The following TTC28 variants were observed in gnomAD, a reference collection of about 807,000 sequenced individuals.
The protein encoded by TTC28 is tetratricopeptide repeat protein 28.
A neutral mutation model predicts 198.0 loss-of-function variants in TTC28; 61 were observed. The observed-to-expected ratio is 0.31, with a 90% confidence interval of 0.25 to 0.38. The LOEUF is 0.38. TTC28 is among the 10% of genes least tolerant of loss of function. The pLI, the probability that TTC28 is intolerant of heterozygous loss-of-function variation, is 1.00. For missense variants in TTC28, 2,678 were observed against 3,164.0 expected, an observed-to-expected ratio of 0.85 and a Z score of 3.69; for synonymous variants, 1,171 against 1,297.8, an observed-to-expected ratio of 0.90 and a Z score of 2.10.
Position 28,516,391 on chromosome 22 carries a change from G to A in TTC28, c.381+113161C>T, listed in dbSNP as rs536994050. ...AATTCAATTGTAAAATAGGTGCCAC[G>A]CTTTAGGATAATATAATGGTTTTCA... On this transcript the variant is annotated intron_variant, in intron 2 of 22. Transcript: ENST00000397906. Among the ~76,000 whole-genome samples, 43 of 152,130 alleles carry A rather than the reference G, an allele frequency of 2.8e-4. No individual in the cohort carries two copies. In the South Asian group the frequency reaches 7.3e-3, roughly 26 times the overall value.
intron 6 of TTC28, among the ~76,000 whole-genome samples, chr22:28,160,483 A>T (rs2147045976): frequency 6.6e-6 from 1 of 152,378 alleles, no homozygotes; most frequent in African/African-American, 2.4e-5. Flanking sequence ...GAAAGGAGCC[A>T]TTAAAATAAT....
At chr22:28,144,770 G>T (rs1041774873) in intron 6 of TTC28, among the ~76,000 whole-genome samples, 4 of 152,230 alleles carry the variant, frequency 2.6e-5, no homozygotes, top group South Asian at 2.1e-4. Flanking sequence ...AGCCTCTTTG[G>T]AGGCTTACAA....
At chr22:28,166,445 G>A (rs574525758) in intron 5 of TTC28, among the ~76,000 whole-genome samples, 13 of 152,296 alleles carry the variant, frequency 8.5e-5, no homozygotes, top group Middle Eastern at 3.4e-3. Flanking sequence ...CTCAGCAAAT[G>A]TAAAAGAACA....
chr22:28,535,982 G>A lies in TTC28; in HGVS notation c.381+93570C>T, dbSNP rs570596529. 1.2e-3 allele frequency among the ~76,000 whole-genome samples: 180 copies of A among 151,620 alleles called. 1 individual carries two copies. The highest frequency in any genetic ancestry group is 1.7e-3 in the Non-Finnish European group (117 of 67,906). On this transcript the variant is annotated intron_variant, in intron 2 of 22. Transcript: ENST00000397906. ...TCCCAGCACTTTGGGAGGCCGAGGC[G>A]GGCAGATCACGAGGTCAGGAAATCA...
intron 2 of TTC28, among the ~76,000 whole-genome samples, chr22:28,588,608 G>A (rs1287213575): frequency 1.3e-5 from 2 of 152,206 alleles, no homozygotes; most frequent in African/African-American, 2.4e-5. Flanking sequence ...CTAGAGCCAA[G>A]TGTGGGCTAA....
At chr22:28,071,733 TAAAAAAAAAAAAAGGA>T (rs1177005522) in intron 12 of TTC28, among the ~76,000 whole-genome samples, 1 of 52,018 alleles carries the variant, frequency 1.9e-5, no homozygotes, top group Non-Finnish European at 4.2e-5. Flanking sequence ...TAAAGTATAA[TAAAAAAAAAAAAAGGA>T]AAAAAAAAAA....
Position 28,178,617 on chromosome 22 carries a change from G to T in TTC28, c.934-15018C>A, listed in dbSNP as rs542578853. On this transcript the variant is annotated intron_variant, in intron 5 of 22. Coordinates refer to ENST00000397906, the MANE Select transcript of TTC28 (RefSeq NM_001145418.2). ...GGAGTGTGTTATGATTGGAGAATAA[G>T]AAGGCATTTATACCTGGGAGCAGGG... 2.0e-5 allele frequency among the ~76,000 whole-genome samples: 3 copies of T among 152,304 alleles called. No individual in the cohort carries two copies. The East Asian group carries it at 5.8e-4, about 29-fold the overall frequency.
At chr22:28,601,389 C>G (rs1318573644) in intron 2 of TTC28, among the ~76,000 whole-genome samples, 1 of 151,984 alleles carries the variant, frequency 6.6e-6, no homozygotes, top group Admixed American at 6.6e-5. Context: ...TGGATTCAAC[C>G]AGCTGTGGAC....
chr22:28,423,461 C>T (rs763339788), intron 2 of TTC28, among the ~76,000 whole-genome samples: 2 of 152,154 alleles, frequency 1.3e-5, no homozygotes, highest in Non-Finnish European at 2.9e-5. Context: ...TACTACAGCA[C>T]ATAGCTTTCC....
At chr22:28,052,342 A>G (rs989079242) in intron 12 of TTC28, among the ~76,000 whole-genome samples, 2 of 152,174 alleles carry the variant, frequency 1.3e-5, no homozygotes, top group Admixed American at 1.3e-4. Context: ...ACAATGACCC[A>G]TCAAGGTAGA....
chr22:28,090,101 A>T (rs185327738), intron 12 of TTC28, among the ~76,000 whole-genome samples: 60 of 152,274 alleles, frequency 3.9e-4, no homozygotes, highest in Non-Finnish European at 1.2e-4. Flanking sequence ...GTATCCTAAA[A>T]GTTAAAGTAT....
At chr22:27,992,565 C>G in intron 19 of TTC28, 22 bp downstream of exon 19, 2 of 1,550,460 alleles carry the variant, frequency 1.3e-6, no homozygotes, top group Non-Finnish European at 8.7e-7. Context: ...GGCCCTGGCT[C>G]AGCCCTCCAG....
intron 5 of TTC28, among the ~76,000 whole-genome samples, chr22:28,193,109 G>A (rs1327439171): frequency 6.6e-6 from 1 of 152,184 alleles, no homozygotes; most frequent in African/African-American, 2.4e-5. Flanking sequence ...AACTCTACAA[G>A]CCAGAAAAGA....
chr22:28,460,652 T>C (rs140628098), intron 2 of TTC28, among the ~76,000 whole-genome samples: 4 of 121,478 alleles, frequency 3.3e-5, no homozygotes, highest in East Asian at 4.8e-4. Flanking sequence ...GATAGATAGA[T>C]AGATAGATAG....
chr22:28,183,120 G>A (rs1256409790), intron 5 of TTC28, among the ~76,000 whole-genome samples: 1 of 151,332 alleles, frequency 6.6e-6, no homozygotes, highest in African/African-American at 2.4e-5. Context: ...GTACAGGGAT[G>A]TAATCATAAC....
chr22:28,175,502 C>T (rs1923077401), intron 5 of TTC28, among the ~76,000 whole-genome samples: 1 of 152,078 alleles, frequency 6.6e-6, no homozygotes, highest in Non-Finnish European at 1.5e-5. Flanking sequence ...GAGGCCGAGG[C>T]GGGTGGATGC....
intron 1 of TTC28, among the ~76,000 whole-genome samples, chr22:28,639,371 C>CT (rs1159609244): frequency 6.6e-6 from 1 of 152,238 alleles, no homozygotes; most frequent in Non-Finnish European, 1.5e-5. Context: ...TCCTTACCCC[C>CT]TCTCCATTCA....
At chr22:28,136,407 A>G (rs186397359) in intron 6 of TTC28, among the ~76,000 whole-genome samples, 315 of 152,312 alleles carry the variant, frequency 2.1e-3, no homozygotes, top group Non-Finnish European at 3.5e-3. Context: ...TCAGCCTCCC[A>G]AGGTGCTGGG....
chr22:28,673,575 G>A (rs1401065815), intron 1 of TTC28, among the ~76,000 whole-genome samples: 2 of 152,122 alleles, frequency 1.3e-5, no homozygotes, highest in African/African-American at 4.8e-5. Flanking sequence ...TCACAGAATT[G>A]CATAAAGAGT....
Sources: gnomAD v4.1 joint callset for allele counts (sites outside exome capture counted in the v4.1 genomes callset) on GRCh38, gnomAD v4.1.1 for gene constraint, MANE v1.5 for transcripts, NCBI Gene and HGNC (gene_info 2026-07-23, HGNC 2026-07-21) for gene names.